Variants in GPD2 observed in about 807,000 individuals in gnomAD.
GPD2 encodes glycerol-3-phosphate dehydrogenase 2.
GPD2 carries 54 observed loss-of-function variants against 82.4 expected under a neutral mutation model. That is an observed-to-expected ratio of 0.66 (90% CI 0.53 to 0.82). The LOEUF (loss-of-function observed/expected upper bound fraction) is 0.82, where lower values mean the gene tolerates loss of function less well. Ranked by LOEUF, GPD2 falls within the 40% of genes least tolerant of loss-of-function variation. The probability of loss-of-function intolerance (pLI) is 0.00; values close to 1 mark genes in which losing one functional copy is unlikely to be tolerated. For synonymous variants in GPD2, 288 were observed against 306.1 expected, an observed-to-expected ratio of 0.94 and a Z score of 0.62; for missense variants, 748 against 896.2, an observed-to-expected ratio of 0.83 and a Z score of 2.11.
chr2:156,457,327 A>G (rs781289576), intron 1 of GPD2, among the ~76,000 whole-genome samples: 6 of 152,172 alleles, frequency 3.9e-5, no homozygotes, highest in Non-Finnish European at 5.9e-5. Flanking sequence ...TACAGGGAAT[A>G]TTTTTAATCT....
chr2:156,580,352 T>C (rs553897294), intron 16 of GPD2, among the ~76,000 whole-genome samples: 93 of 152,338 alleles, frequency 6.1e-4, no homozygotes, highest in African/African-American at 2.2e-3. Context: ...TTCCAATTGT[T>C]AATTTATTCA....
chr2:156,549,108 T>G (rs1015851647), intron 6 of GPD2, among the ~76,000 whole-genome samples: 29 of 152,354 alleles, frequency 1.9e-4, no homozygotes, highest in Admixed American at 2.6e-4. Flanking sequence ...AAAAATCCTT[T>G]TACAGAATAC....
intron 6 of GPD2, among the ~76,000 whole-genome samples, chr2:156,542,979 G>C (rs542679114): frequency 6.6e-6 from 1 of 152,250 alleles, no homozygotes; most frequent in South Asian, 2.1e-4. Flanking sequence ...TGGTTGCCTA[G>C]TACCTTGACC....
At chr2:156,566,943 C>T (rs1180602814) in intron 9 of GPD2, among the ~76,000 whole-genome samples, 1 of 151,868 alleles carries the variant, frequency 6.6e-6, no homozygotes, top group East Asian at 1.9e-4. Flanking sequence ...TTGTGGTTTT[C>T]ATTTGCATTT....
At chr2:156,540,992 G>A (rs747661333) in intron 6 of GPD2, among the ~76,000 whole-genome samples, 8 of 152,200 alleles carry the variant, frequency 5.3e-5, no homozygotes, top group African/African-American at 7.2e-5. Flanking sequence ...ACATCTTGTC[G>A]TTATAGTCTT....
chr2:156,434,851 G>T (rs984242422), upstream of GPD2, among the ~76,000 whole-genome samples: 5 of 152,220 alleles, frequency 3.3e-5, no homozygotes, highest in Admixed American at 6.5e-5. Flanking sequence ...GGTCACTGGA[G>T]TACAGTTTCT....
intron 6 of GPD2, among the ~76,000 whole-genome samples, chr2:156,529,923 C>T (rs1052910484): frequency 2.3e-4 from 35 of 152,108 alleles, no homozygotes; most frequent in African/African-American, 6.8e-4. Flanking sequence ...GCGATGTGGG[C>T]TCTTTTTTGG....
intron 13 of GPD2, among the ~76,000 whole-genome samples, chr2:156,577,935 A>G (rs557626991): frequency 6.6e-6 from 1 of 152,324 alleles, no homozygotes; most frequent in Admixed American, 6.5e-5. Context: ...AAAGTAGCAT[A>G]TATCATACCT....
upstream of GPD2, among the ~76,000 whole-genome samples, chr2:156,436,123 G>T (rs1443056321): frequency 6.6e-6 from 1 of 152,220 alleles, no homozygotes; most frequent in Non-Finnish European, 1.5e-5. Flanking sequence ...AGACCACCTC[G>T]CTCGCCGCCC....
At chr2:156,439,540 CAAAAAAAAA>C (rs869250333) in intron 1 of GPD2, among the ~76,000 whole-genome samples, 4 of 71,326 alleles carry the variant, frequency 5.6e-5, no homozygotes, top group African/African-American at 2.0e-4. Context: ...AAAAAAAAAA[CAAAAAAAAA>C]AAAACAAGCC....
chr2:156,487,729 C>T (rs1573920101), intron 2 of GPD2, among the ~76,000 whole-genome samples: 1 of 152,128 alleles, frequency 6.6e-6, no homozygotes, highest in South Asian at 2.1e-4. Context: ...CTCTATCTAC[C>T]CCAACCTCAG....
intron 6 of GPD2, among the ~76,000 whole-genome samples, chr2:156,515,851 A>G (rs1410238205): frequency 6.6e-6 from 1 of 152,230 alleles, no homozygotes; most frequent in African/African-American, 2.4e-5. Context: ...AGGTGAGGCA[A>G]AACAAGCATG....
intron 6 of GPD2, among the ~76,000 whole-genome samples, chr2:156,514,986 G>T (rs892033253): frequency 5.9e-5 from 9 of 152,036 alleles, no homozygotes; most frequent in Admixed American, 6.5e-5. Flanking sequence ...AAATGTTTGT[G>T]GCCTTTCCCT....
At chr2:156,469,135 C>T (rs1440714271) in intron 1 of GPD2, among the ~76,000 whole-genome samples, 2 of 152,156 alleles carry the variant, frequency 1.3e-5, no homozygotes, top group Admixed American at 6.6e-5. Context: ...CAGTTTTACC[C>T]GTGTTGTTGC....
chr2:156,458,814 AT>A (rs1269999771), intron 1 of GPD2, among the ~76,000 whole-genome samples: 3 of 151,994 alleles, frequency 2.0e-5, no homozygotes. Flanking sequence ...TATATTCCAC[AT>A]TTTTTTCTAA....
intron 2 of GPD2, among the ~76,000 whole-genome samples, chr2:156,487,523 G>A (rs1683991243): frequency 6.6e-6 from 1 of 152,182 alleles, no homozygotes; most frequent in Admixed American, 6.5e-5. Flanking sequence ...CAGAGCTGAG[G>A]ACATGAGATT....
chr2:156,525,929 A>T (rs989305717), intron 6 of GPD2, among the ~76,000 whole-genome samples: 1 of 152,190 alleles, frequency 6.6e-6, no homozygotes, highest in African/African-American at 2.4e-5. Context: ...AAATTAACTT[A>T]AAAAATTTTT....
chr2:156,405,917 C>G, the GPD2 span, among the ~76,000 whole-genome samples: 4 of 152,114 alleles, frequency 2.6e-5, no homozygotes. Context: ...AGCACTTGCT[C>G]AAGGTACCAA....
At position 156,519,006 on chromosome 2, in the gene GPD2, C is replaced by T. The variant is rs778341326; in HGVS notation, c.661+5510C>T. On this transcript the variant is annotated intron_variant, in intron 6 of 16. Coordinates refer to ENST00000438166, the MANE Select transcript of GPD2 (RefSeq NM_000408.5). ...TGTGAGCCTCATGAGGTGCACACAC[C>T]CATCCACTAGGGTATAGGAGGAACA... is the stretch of plus-strand genomic sequence containing the variant. 3.7e-4 allele frequency among the ~76,000 whole-genome samples: 56 copies of T among 152,208 alleles called. 1 individual carries two copies. The highest frequency in any genetic ancestry group is 7.4e-4 in the Non-Finnish European group (50 of 68,018).
Sources: gnomAD v4.1 joint callset for allele counts (sites outside exome capture counted in the v4.1 genomes callset) on GRCh38, gnomAD v4.1.1 for gene constraint, MANE v1.5 for transcripts, NCBI Gene and HGNC (gene_info 2026-07-23, HGNC 2026-07-21) for gene names.